Variants in GNA14 observed in about 807,000 individuals in gnomAD.
The protein encoded by GNA14 is guanine nucleotide-binding protein subunit alpha-14.
Under a neutral mutation model 42.0 loss-of-function variants are expected in GNA14, and 50 were observed. The observed-to-expected ratio is 1.19, with a 90% CI of 0.95 to 1.51. GNA14 has a LOEUF of 1.51. GNA14 is among the 40% of genes most tolerant of loss of function. The pLI is 0.00. For synonymous variants in GNA14, 173 were observed against 163.1 expected, an observed-to-expected ratio of 1.06 and a Z score of -0.46; for missense variants, 473 against 446.2, an observed-to-expected ratio of 1.06 and a Z score of -0.54.
At chr9:77,629,584 A>T (rs933317820) in intron 1 of GNA14, among the ~76,000 whole-genome samples, 3 of 152,224 alleles carry the variant, frequency 2.0e-5, no homozygotes, top group Non-Finnish European at 4.4e-5. Flanking sequence ...TTGCAGGGAC[A>T]TGGATGAAGC....
intron 2 of GNA14, among the ~76,000 whole-genome samples, chr9:77,462,373 G>A (rs950106214): frequency 3.9e-5 from 6 of 152,128 alleles, no homozygotes; most frequent in Non-Finnish European, 7.3e-5. Context: ...GGAGGCTGAC[G>A]GTATGCTCCC....
chr9:77,545,533 G>C lies in GNA14; in HGVS notation c.125-16280C>G, dbSNP rs1837708966. Among the ~76,000 whole-genome samples the C allele has an allele frequency of 2.0e-5, 3 of 152,176 alleles. No individual in the cohort carries two copies. In the South Asian group the frequency reaches 6.2e-4, roughly 31 times the overall value. The stretch of plus-strand genomic sequence containing the variant: ...GAAAGGTCCAGTTTATGAATGCGTG[G>C]TCAAAGTAACAGCAGGATATTGGAA... On this transcript the variant is annotated intron_variant, in intron 1 of 6. Transcript: ENST00000341700.
In GNA14 at chr9:77,538,764, T is replaced by G. The variant is rs1837627145; in HGVS notation, c.125-9511A>C. 2.6e-5 allele frequency among the ~76,000 whole-genome samples: 4 copies of G among 152,352 alleles called. No homozygotes were observed. The South Asian group carries it at 8.3e-4, about 32-fold the overall frequency. Reference sequence around the variant, plus strand: ...GGTGTATAGATATGGTACTAATTTTTGTATGTTGATTTTGTGTCCTATAAC... The same window carrying G: ...GGTGTATAGATATGGTACTAATTTTGGTATGTTGATTTTGTGTCCTATAAC... On this transcript the variant is annotated intron_variant, in intron 1 of 6. Transcript: ENST00000341700.
At chr9:77,519,409 T>C (rs560840837) in intron 2 of GNA14, among the ~76,000 whole-genome samples, 1 of 151,978 alleles carries the variant, frequency 6.6e-6, no homozygotes, top group South Asian at 2.1e-4. Flanking sequence ...AGACTCTGCC[T>C]CAAAAGAAGA....
At chr9:77,644,990 T>C (rs1279749617) in intron 1 of GNA14, among the ~76,000 whole-genome samples, 1 of 152,224 alleles carries the variant, frequency 6.6e-6, no homozygotes, top group Admixed American at 6.5e-5. Flanking sequence ...TCCATCTCTT[T>C]CTGATGAGAA....
chr9:77,547,694 C>T (rs1006195813), intron 1 of GNA14, among the ~76,000 whole-genome samples: 2 of 152,190 alleles, frequency 1.3e-5, no homozygotes, highest in Non-Finnish European at 2.9e-5. Context: ...AGATTTCTAG[C>T]ATGCTAGTTA....
At chr9:77,611,294 G>A (rs1168483957) in intron 1 of GNA14, among the ~76,000 whole-genome samples, 1 of 152,184 alleles carries the variant, frequency 6.6e-6, no homozygotes, top group Admixed American at 6.5e-5. Flanking sequence ...CTACATATTT[G>A]CATCAGTTCT....
intron 1 of GNA14, among the ~76,000 whole-genome samples, chr9:77,645,998 C>T (rs955385032): frequency 3.9e-5 from 6 of 152,032 alleles, no homozygotes; most frequent in Admixed American, 1.3e-4. Context: ...CAAATTCTCA[C>T]GTATTCCTCC....
chr9:77,546,541 T>C (rs925402713), intron 1 of GNA14, among the ~76,000 whole-genome samples: 2 of 152,184 alleles, frequency 1.3e-5, no homozygotes, highest in African/African-American at 2.4e-5. Context: ...ATTGATCGCC[T>C]AGCTGGGCAC....
At chr9:77,639,471 A>G (rs886438657) in intron 1 of GNA14, among the ~76,000 whole-genome samples, 6 of 152,230 alleles carry the variant, frequency 3.9e-5, no homozygotes, top group Admixed American at 6.5e-5. Flanking sequence ...GGCTGGCTCC[A>G]AAGAACATGC....
At chr9:77,475,646 A>T (rs1836405964) in intron 2 of GNA14, among the ~76,000 whole-genome samples, 1 of 151,488 alleles carries the variant, frequency 6.6e-6, no homozygotes, top group African/African-American at 2.4e-5. Context: ...AAATCTCACC[A>T]CTCCTCTTCG....
intron 1 of GNA14, among the ~76,000 whole-genome samples, chr9:77,608,734 T>TTTTG (rs1453789892): frequency 7.9e-6 from 1 of 126,632 alleles, no homozygotes; most frequent in African/African-American, 4.8e-5. Flanking sequence ...AATATCCTGT[T>TTTTG]TTTTTTTTTT....
At chr9:77,583,036 C>G (rs933907663) in intron 1 of GNA14, among the ~76,000 whole-genome samples, 17 of 152,208 alleles carry the variant, frequency 1.1e-4, no homozygotes, top group African/African-American at 4.1e-4. Context: ...AATTGTCGGT[C>G]AAACTGCAAA....
At chr9:77,447,535 G>A (rs1241984610) in intron 2 of GNA14, among the ~76,000 whole-genome samples, 4 of 152,160 alleles carry the variant, frequency 2.6e-5, no homozygotes. Flanking sequence ...TATTATTAGA[G>A]AGGACAGGCT....
At chr9:77,530,970 T>G (rs889128689) in intron 1 of GNA14, among the ~76,000 whole-genome samples, 1 of 152,210 alleles carries the variant, frequency 6.6e-6, no homozygotes, top group East Asian at 1.9e-4. Context: ...GCCTTGGCCT[T>G]CAATGTTCAC....
chr9:77,462,820 C>T (rs1013085548), intron 2 of GNA14, among the ~76,000 whole-genome samples: 2 of 152,154 alleles, frequency 1.3e-5, no homozygotes, highest in Non-Finnish European at 2.9e-5. Context: ...ATCCCTGCCT[C>T]ACCTTTTCGG....
chr9:77,619,121 C>T (rs1216946564), intron 1 of GNA14, among the ~76,000 whole-genome samples: 2 of 152,096 alleles, frequency 1.3e-5, no homozygotes, highest in African/African-American at 2.4e-5. Context: ...CAAAGTTCCA[C>T]TGAACTGTAA....
At chr9:77,494,517 T>C (rs1836839311) in intron 2 of GNA14, among the ~76,000 whole-genome samples, 1 of 152,122 alleles carries the variant, frequency 6.6e-6, no homozygotes, top group African/African-American at 2.4e-5. Context: ...CATGTTAGTG[T>C]ATTAAGGGTA....
At chr9:77,636,067 G>A (rs926117711) in intron 1 of GNA14, among the ~76,000 whole-genome samples, 3 of 152,096 alleles carry the variant, frequency 2.0e-5, no homozygotes, top group Admixed American at 1.3e-4. Context: ...GACTACTAAT[G>A]GCTTACCACT....
Sources: allele counts gnomAD v4.1 joint callset (sites outside exome capture counted in the v4.1 genomes callset), GRCh38; gene constraint gnomAD v4.1.1; transcripts MANE v1.5; gene names NCBI Gene and HGNC (gene_info 2026-07-23, HGNC 2026-07-21).